The following EPS15L1 variants were observed in gnomAD, a reference collection of about 807,000 sequenced individuals.
EPS15L1 encodes the protein epidermal growth factor receptor substrate 15-like 1.
A neutral mutation model predicts 117.1 loss-of-function variants in EPS15L1; 43 were observed. That is an observed-to-expected ratio of 0.37 (90% confidence interval 0.29 to 0.47). The LOEUF is 0.47. Among genes scored for constraint, EPS15L1 ranks in the 20% least tolerant of loss-of-function variants. The pLI is 0.99. For synonymous variants in EPS15L1, 459 were observed against 470.5 expected (o/e 0.98, Z 0.32); for missense variants, 981 against 1,164.0 (o/e 0.84, Z 2.29).
intron 22 of EPS15L1, among the ~76,000 whole-genome samples, chr19:16,366,169 G>A (rs1022931696): frequency 2.0e-5 from 3 of 152,096 alleles, no homozygotes; most frequent in African/African-American, 4.8e-5. Context: ...CCCCTGGGAC[G>A]GGCAGCAAGT....
At chr19:16,459,934 T>C (rs1389277941) in intron 1 of EPS15L1, among the ~76,000 whole-genome samples, 1 of 152,178 alleles carries the variant, frequency 6.6e-6, no homozygotes, top group African/African-American at 2.4e-5. Flanking sequence ...ATGGTAGCCA[T>C]TTGCTCTCTC....
chr19:16,409,157 G>C (rs2092683957), intron 13 of EPS15L1, among the ~76,000 whole-genome samples: 2 of 152,266 alleles, frequency 1.3e-5, no homozygotes, highest in South Asian at 4.1e-4. Context: ...CTTGAGCCCA[G>C]GATTTTGAGG....
At chr19:16,372,473 C>A (rs943099357) in intron 22 of EPS15L1, among the ~76,000 whole-genome samples, 1 of 152,206 alleles carries the variant, frequency 6.6e-6, no homozygotes, top group Non-Finnish European at 1.5e-5. Context: ...CCTGTATGAG[C>A]GATGACCCAC....
intron 13 of EPS15L1, among the ~76,000 whole-genome samples, chr19:16,409,893 GCA>G: frequency 7.4e-6 from 1 of 135,474 alleles, no homozygotes; most frequent in Non-Finnish European, 1.5e-5. Flanking sequence ...AGCTGAGATC[GCA>G]CCACTGCACT....
Position 16,361,973 on chromosome 19 carries a change from G to A in EPS15L1, c.2392C>T (p.Pro798Ser). 6.2e-7 allele frequency: 1 copy of A among 1,600,646 alleles called. No individual in the cohort carries two copies. The highest frequency in any genetic ancestry group is 2.2e-5 in the East Asian group (1 of 44,774). Reference sequence around the variant, plus strand: ...TCTGCGGAACCAAGCTGGCTTACAGGTGTACTTTTACCTGGAAAGTTTAGG... The same window carrying A: ...TCTGCGGAACCAAGCTGGCTTACAGATGTACTTTTACCTGGAAAGTTTAGG... ...RPKPPSGKST[P>S]VSQLGSADFP... The change falls in exon 23 of 24, where the codon CCT becomes TCT. Residue 798 changes from proline to serine, a missense_variant. Pro to Ser is a moderately conservative substitution (Grantham distance 74, BLOSUM62 -1). Around this residue, in one of 5 missense-constraint regions of EPS15L1, gnomAD observed 819 missense variants for 949.0 expected, o/e 0.86. Transcript: ENST00000455140.
At chr19:16,445,884 G>A (rs2093078508) in intron 1 of EPS15L1, among the ~76,000 whole-genome samples, 1 of 152,236 alleles carries the variant, frequency 6.6e-6, no homozygotes, top group South Asian at 2.1e-4. Flanking sequence ...CTGACCCGAT[G>A]TGTTCTCCTG....
In EPS15L1 at chr19:16,386,184, G is replaced by A; in HGVS notation, c.2151C>T (p.Ser717=). 1 of 1,611,946 alleles carries A rather than the reference G, an allele frequency of 6.2e-7. No homozygotes were observed. Reference sequence around the variant, plus strand: ...CATGGGTCTCACCTGATCCTTTTGAGGAGACACTGGAGGATGAAAAGGGAT... The same window carrying A: ...CATGGGTCTCACCTGATCCTTTTGAAGAGACACTGGAGGATGAAAAGGGAT... ...SSDPFSSSSV[S]SKGSDPFGTL... Residue 717 remains serine (S), a synonymous_variant, in exon 20 of 24, where the codon TCC becomes TCT. Transcript: ENST00000455140.
intron 13 of EPS15L1, among the ~76,000 whole-genome samples, chr19:16,408,922 T>C (rs1164745884): frequency 6.6e-6 from 1 of 152,080 alleles, no homozygotes; most frequent in Non-Finnish European, 1.5e-5. Flanking sequence ...AAGAAGAGGC[T>C]CTTCAACAAA....
chr19:16,445,096 AAG>A (rs1196900610), intron 1 of EPS15L1, among the ~76,000 whole-genome samples: 1 of 152,166 alleles, frequency 6.6e-6, no homozygotes, highest in Non-Finnish European at 1.5e-5. Context: ...GTGGAAAAAA[AAG>A]AGTTTCAGTC....
chr19:16,437,323 A>C (rs2145049674), intron 5 of EPS15L1, among the ~76,000 whole-genome samples: 1 of 152,366 alleles, frequency 6.6e-6, no homozygotes, highest in African/African-American at 2.4e-5. Flanking sequence ...GAATATGGAA[A>C]CACTGATCCA....
At chr19:16,434,156 C>G (rs2092956443) in intron 7 of EPS15L1, among the ~76,000 whole-genome samples, 1 of 152,172 alleles carries the variant, frequency 6.6e-6, no homozygotes, top group Admixed American at 6.5e-5. Context: ...TGGCACCTTC[C>G]CCAGGGACTG....
In EPS15L1 at chr19:16,365,386, A is replaced by G. The variant is rs2092119333; in HGVS notation, c.2381-3402T>C. Among the ~76,000 whole-genome samples the G allele has an allele frequency of 7.7e-6, 1 of 130,594 alleles. No individual in the cohort carries two copies. The highest frequency in any genetic ancestry group is 1.7e-5 in the Non-Finnish European group (1 of 59,132). 85.7% of individuals were successfully genotyped at this position (130,594 alleles called of 152,430 possible). ...AAAGGATCAATGACTGTCTTCACTG[A>G]AAGAACTTAGGACACAGATCTACAC... On this transcript the variant is annotated intron_variant, in intron 22 of 23. Transcript: ENST00000455140. This position sits in a 1 kb window ranked among gnomAD's most constrained non-coding sequence, Gnocchi z 4.9.
chr19:16,444,490 C>T (rs923154104), intron 1 of EPS15L1, among the ~76,000 whole-genome samples: 3 of 152,058 alleles, frequency 2.0e-5, no homozygotes, highest in African/African-American at 7.2e-5. Flanking sequence ...TGGGCTCAAA[C>T]TCCAGCTTAT....
chr19:16,355,711 G>A lies in EPS15L1; in HGVS notation c.2727C>T (p.Ala909=), dbSNP rs527262944. The change falls in exon 24 of 24, where the codon GCC becomes GCT. Residue 909 remains alanine (A), a synonymous_variant. Transcript: ENST00000455140. ...GCCTACACACGGCCCTCGCCTAGGCGGCAGGCATGTCAGCCTTGCTGAGCG... is the reference window on the plus strand; with the variant it reads ...GCCTACACACGGCCCTCGCCTAGGCAGCAGGCATGTCAGCCTTGCTGAGCG... ...AIALSKADMP[A]A is the part of the protein sequence containing the mutation. 128 of 1,535,660 alleles carry A rather than the reference G, an allele frequency of 8.3e-5. No individual in the cohort carries two copies. In the East Asian group the frequency reaches 2.2e-3, roughly 26 times the overall value.
intron 20 of EPS15L1, 29 bp from the exon 21 acceptor site, chr19:16,385,240 T>C (rs777780328): frequency 6.3e-7 from 1 of 1,591,952 alleles, no homozygotes; most frequent in East Asian, 2.2e-5. Context: ...AAGTCAGAGT[T>C]ACAGGTCTTT....
At chr19:16,372,536 C>T (rs779111985) in intron 22 of EPS15L1, among the ~76,000 whole-genome samples, 4 of 152,148 alleles carry the variant, frequency 2.6e-5, no homozygotes, top group African/African-American at 4.8e-5. Flanking sequence ...CTTTTTTTAA[C>T]GGAAAAGATT....
Position 16,393,899 on chromosome 19 carries a change from A to G in EPS15L1, c.1966+52T>C, listed in dbSNP as rs2092511263. 5.1e-6 allele frequency: 8 copies of G among 1,582,550 alleles called. No homozygotes were observed. In the South Asian group the frequency reaches 7.7e-5, roughly 15 times the overall value. ...CAAGTCCCACCACATGCGACTTCTG[A>G]GCCAGGACTGGACACAGTCTAAAGA... On this transcript the variant is annotated intron_variant, in intron 18 of 23. Coordinates refer to ENST00000455140, the MANE Select transcript of EPS15L1 (RefSeq NM_001258374.3).
intron 19 of EPS15L1, among the ~76,000 whole-genome samples, chr19:16,386,644 C>A (rs1177514031): frequency 6.6e-6 from 1 of 152,182 alleles, no homozygotes; most frequent in Non-Finnish European, 1.5e-5. Context: ...CCAGAGACAA[C>A]CACTCCCAGG....
chr19:16,406,841 T>C (rs1049920979), intron 13 of EPS15L1, among the ~76,000 whole-genome samples: 1 of 152,224 alleles, frequency 6.6e-6, no homozygotes, highest in Non-Finnish European at 1.5e-5. Flanking sequence ...GAATGTCTGT[T>C]GTTGAAATTC....
Sources: gnomAD v4.1 joint callset for allele counts (sites outside exome capture counted in the v4.1 genomes callset) on GRCh38, gnomAD v4.1.1 for gene constraint, gnomAD v4.1.1 regional missense constraint, Gnocchi (gnomAD v3.1) non-coding constraint, MANE v1.5 for transcripts, NCBI Gene and HGNC (gene_info 2026-07-23, HGNC 2026-07-21) for gene names.